The following MYO6 variants were observed in gnomAD, a reference collection of about 807,000 sequenced individuals.
The protein encoded by MYO6 is unconventional myosin-VI.
In MYO6, 74 loss-of-function variants were observed where a neutral mutation model predicts 178.7. That is an observed-to-expected ratio of 0.41 (90% confidence interval 0.34 to 0.50). The LOEUF (loss-of-function observed/expected upper bound fraction) is 0.50, where lower values mean the gene tolerates loss of function less well. MYO6 is among the 20% of genes least tolerant of loss of function. The pLI, the probability that MYO6 is intolerant of heterozygous loss-of-function variation, is 0.09. For synonymous variants in MYO6, 477 were observed against 504.6 expected (o/e 0.95, Z 0.73); for missense variants, 1,330 against 1,547.4 (o/e 0.86, Z 2.36).
chr6:75,855,301 T>C lies in MYO6; in HGVS notation c.1223+18T>C. The C allele has an allele frequency of 1.2e-6, 2 of 1,612,250 alleles. No homozygotes were observed. ...GTTATAAAGTAAGTTCCTTAAGTAA[T>C]TGCACTGCAAAAATTTTGCCTTGCA... On this transcript the variant is annotated intron_variant, in intron 12 of 34. Transcript: ENST00000369977.
At chr6:75,788,210 A>G (rs1767870851) in intron 1 of MYO6, among the ~76,000 whole-genome samples, 1 of 151,990 alleles carries the variant, frequency 6.6e-6, no homozygotes, top group Non-Finnish European at 1.5e-5. Flanking sequence ...AAAAAACACA[A>G]AAGATTAGCT....
chr6:75,818,032 G>A (rs566889942), intron 2 of MYO6, among the ~76,000 whole-genome samples: 8 of 152,182 alleles, frequency 5.3e-5, no homozygotes, highest in South Asian at 4.1e-4. Context: ...GTCTGTGATC[G>A]ACATGTCACA....
intron 1 of MYO6, among the ~76,000 whole-genome samples, chr6:75,810,764 A>G (rs564317530): frequency 6.6e-6 from 1 of 152,320 alleles, no homozygotes; most frequent in East Asian, 1.9e-4. Flanking sequence ...CTGTCAAGAG[A>G]TAGAACGGAG....
At position 75,886,844 on chromosome 6, in the gene MYO6, C is replaced by T. The variant is rs1194065369; in HGVS notation, c.2508C>T (p.Arg836=). ...CTCTAATGAAGTATTATTTTTACAG[C>T]ATTGATGGTCTGGTTAAGGTGGGCA... ...MWLCKRRHKP[R]IDGLVKVGTL... is the part of the protein sequence containing the mutation. Residue 836 remains arginine, a splice_region_variant and synonymous_variant, in exon 25 of 35, where the codon CGC becomes CGT. Transcript: ENST00000369977. 1.2e-6 allele frequency: 2 copies of T among 1,611,560 alleles called. No homozygotes were observed. Among genetic ancestry groups the T allele is most frequent in the African/African-American group, 1.3e-5 (1 of 74,816 alleles).
chr6:75,826,702 A>G (rs1469706511), intron 3 of MYO6, among the ~76,000 whole-genome samples: 5 of 152,130 alleles, frequency 3.3e-5, no homozygotes, highest in African/African-American at 7.2e-5. Context: ...AACCCTCTCT[A>G]TATCCTTCCT....
At chr6:75,886,729 A>G (rs1329933608) in intron 24 of MYO6, 115 bp from the exon 25 acceptor site, 8 of 983,032 alleles carry the variant, frequency 8.1e-6, no homozygotes, top group Non-Finnish European at 1.3e-5. Context: ...AAAAGAGAAT[A>G]GTAGATAATA....
At chr6:75,884,187 G>C (rs571589629) in intron 23 of MYO6, among the ~76,000 whole-genome samples, 1 of 152,028 alleles carries the variant, frequency 6.6e-6, no homozygotes, top group African/African-American at 2.4e-5. Flanking sequence ...ATGTTAATAG[G>C]AAACTCTGAA....
intron 1 of MYO6, among the ~76,000 whole-genome samples, chr6:75,770,445 T>C (rs1765763488): frequency 6.6e-6 from 1 of 152,154 alleles, no homozygotes; most frequent in Non-Finnish European, 1.5e-5. Context: ...GCTCTGTATG[T>C]GGTATTCAAA....
chr6:75,757,397 A>T lies in MYO6; in HGVS notation c.-48+7974A>T, dbSNP rs1777550696. 2.0e-5 allele frequency among the ~76,000 whole-genome samples: 3 copies of T among 150,360 alleles called. No individual in the cohort carries two copies. The South Asian group carries it at 6.3e-4, about 32-fold the overall frequency. On this transcript the variant is annotated intron_variant, in intron 1 of 34. Transcript: ENST00000369977. ...TGTATATATATGTATACACATATAT[A>T]TACACACACACACATAGAGACAGAC...
intron 30 of MYO6, among the ~76,000 whole-genome samples, chr6:75,904,616 G>GT (rs1286085840): frequency 1.3e-5 from 2 of 152,072 alleles, no homozygotes; most frequent in Non-Finnish European, 2.9e-5. Flanking sequence ...GGTTATTCTA[G>GT]TTATACGTTC....
At position 75,916,917 on chromosome 6, in the gene MYO6, A is replaced by C. The variant is rs921968653; in HGVS notation, c.*1905A>C. On this transcript the variant is annotated 3_prime_UTR_variant, in exon 35 of 35. Transcript: ENST00000369977. ...TTTGACTCTAATAGTTAATACAATT[A>C]TAGTTAATCTTAAGCCATAATGTTT... The C allele has an allele frequency of 6.6e-6, 1 of 152,232 alleles. No individual in the cohort carries two copies. Among genetic ancestry groups the C allele is most frequent in the Admixed American group, 6.5e-5 (1 of 15,278 alleles). 9.4% of individuals were successfully genotyped at this position (152,232 alleles called of 1,614,324 possible). A position where few individuals can be genotyped will look rare whatever the true frequency, so the allele number is the denominator to read the frequency against.
intron 11 of MYO6, among the ~76,000 whole-genome samples, chr6:75,854,411 G>C (rs1307220951): frequency 2.0e-5 from 3 of 147,522 alleles, no homozygotes; most frequent in African/African-American, 7.5e-5. Flanking sequence ...CATTTGTACT[G>C]ATCTCTAGCA....
intron 7 of MYO6, among the ~76,000 whole-genome samples, chr6:75,837,143 T>G (rs991276353): frequency 1.6e-4 from 24 of 152,330 alleles, no homozygotes; most frequent in Non-Finnish European, 2.8e-4. Context: ...ATGTACTCAG[T>G]AAGCATTTTT....
At chr6:75,757,425 CTGATGTTCTGCTAGGATG>C (rs1777555067) in intron 1 of MYO6, among the ~76,000 whole-genome samples, 2 of 150,334 alleles carry the variant, frequency 1.3e-5, no homozygotes, top group Non-Finnish European at 3.0e-5. Context: ...AGACAGACTT[CTGATGTTCTGCTAGGATG>C]TGTGACACAT....
chr6:75,910,288 T>C (rs1366895933), intron 32 of MYO6, among the ~76,000 whole-genome samples: 1 of 152,194 alleles, frequency 6.6e-6, no homozygotes, highest in Non-Finnish European at 1.5e-5. Context: ...CAGACTTTCA[T>C]TATATTGTAT....
chr6:75,830,271 C>T (rs927862284), intron 4 of MYO6, 145 bp from the exon 5 acceptor site: 4 of 677,446 alleles, frequency 5.9e-6, no homozygotes, highest in African/African-American at 1.8e-5. Context: ...TCAGGGAATA[C>T]TCAGGGAATA....
rs375645908 is a variant in MYO6 at position 75,841,207 on chromosome 6, T to G, written c.652-7T>G. On this transcript the variant is annotated splice_region_variant and splice_polypyrimidine_tract_variant and intron_variant, in intron 8 of 34. Coordinates refer to ENST00000369977, the MANE Select transcript of MYO6 (RefSeq NM_004999.4). ...AAAATATATTTTCTCTGTGTTTTGT[T>G]TTTTAGAGCTCAGTTGTTGGAGGAT... 2.5e-6 allele frequency: 4 copies of G among 1,613,058 alleles called. No homozygotes were observed. Among genetic ancestry groups the G allele is most frequent in the Non-Finnish European group, 3.4e-6 (4 of 1,179,388 alleles).
At position 75,919,440 on chromosome 6, in the gene MYO6, A is replaced by G. The variant is rs574549669; in HGVS notation, c.*4428A>G. On this transcript the variant is annotated 3_prime_UTR_variant, in exon 35 of 35. Coordinates refer to ENST00000369977, the MANE Select transcript of MYO6 (RefSeq NM_004999.4). ...ATTCATCTAGTCAAACTGTCAATTA[A>G]TTTTTCCTCATTTCATTAAAAGTGT... is the stretch of plus-strand genomic sequence containing the variant. 51 of 146,118 alleles carry G rather than the reference A, an allele frequency of 3.5e-4. 2 individuals are homozygous for G. The East Asian group carries it at 0.01, about 29-fold the overall frequency. 9.1% of individuals were successfully genotyped at this position (146,118 alleles called of 1,614,324 possible). A position where few individuals can be genotyped will look rare whatever the true frequency, so the allele number is the denominator to read the frequency against.
At chr6:75,780,125 A>G (rs959500478) in intron 1 of MYO6, among the ~76,000 whole-genome samples, 41 of 152,270 alleles carry the variant, frequency 2.7e-4, no homozygotes, top group African/African-American at 9.6e-4. Context: ...GGCAAAGATC[A>G]TTGTTAAATC....
Sources: allele counts gnomAD v4.1 joint callset (sites outside exome capture counted in the v4.1 genomes callset), GRCh38; gene constraint gnomAD v4.1.1; transcripts MANE v1.5; gene names NCBI Gene and HGNC (gene_info 2026-07-23, HGNC 2026-07-21).